The following SNAPC3 variants were observed in gnomAD, a reference collection of about 807,000 sequenced individuals.
SNAPC3 encodes the protein small nuclear RNA activating complex polypeptide 3.
Under a neutral mutation model 47.7 loss-of-function variants are expected in SNAPC3, and 56 were observed. That is an observed-to-expected ratio of 1.18 (90% CI 0.95 to 1.47). The LOEUF (loss-of-function observed/expected upper bound fraction) is 1.47. Ranked by LOEUF, SNAPC3 falls within the 40% of genes most tolerant of loss-of-function variation. The probability of loss-of-function intolerance (pLI) is 0.00; values close to 1 mark genes in which losing one functional copy is unlikely to be tolerated. For synonymous variants in SNAPC3, 235 were observed against 189.9 expected, an observed-to-expected ratio of 1.24 and a Z score of -1.95; for missense variants, 665 against 511.3, an observed-to-expected ratio of 1.30 and a Z score of -2.90.
intron 8 of SNAPC3, among the ~76,000 whole-genome samples, chr9:15,459,459 T>G (rs2035034920): frequency 6.6e-6 from 1 of 152,212 alleles, no homozygotes; most frequent in African/African-American, 2.4e-5. Context: ...TAGATTTATA[T>G]TCTTCCTTTA....
intron 2 of SNAPC3, among the ~76,000 whole-genome samples, chr9:15,426,992 C>CT (rs2031490484): frequency 6.6e-6 from 1 of 152,158 alleles, no homozygotes; most frequent in African/African-American, 2.4e-5. Flanking sequence ...CTGAACCTTC[C>CT]TTTTCCTCAC....
At chr9:15,453,918 A>T (rs947592628) in intron 7 of SNAPC3, among the ~76,000 whole-genome samples, 1 of 152,310 alleles carries the variant, frequency 6.6e-6, no homozygotes, top group East Asian at 1.9e-4. Context: ...TACTGGTATT[A>T]ATTAGTAATT....
intron 5 of SNAPC3, 118 bp from the exon 6 acceptor site, chr9:15,451,202 C>T: frequency 6.5e-6 from 2 of 307,778 alleles, no homozygotes; most frequent in South Asian, 1.6e-4. Flanking sequence ...AAAATAGTAG[C>T]AGTTTTTTAA....
rs780835390 is a variant in SNAPC3, at chr9:15,423,963, G to T, written c.369G>T (p.Glu123Asp). The change falls in exon 2 of 9, where the codon GAG becomes GAT. Residue 123 changes from glutamate to aspartate, a missense_variant. Transcript: ENST00000380821. ...EDGEDPEVIP[E>D]NTDLVTLGVR... ...GTGAGGATCCAGAAGTCATTCCGGA[G>T]AATACTGACCTGGTGACTTTGGGGT... is the stretch of plus-strand genomic sequence containing the variant. 6.3e-7 allele frequency: 1 copy of T among 1,586,538 alleles called. No individual in the cohort carries two copies. The highest frequency in any genetic ancestry group is 8.6e-7 in the Non-Finnish European group (1 of 1,167,220).
At chr9:15,451,788 C>T (rs2034405045) in intron 6 of SNAPC3, among the ~76,000 whole-genome samples, 1 of 152,088 alleles carries the variant, frequency 6.6e-6, no homozygotes, top group Admixed American at 6.6e-5. Flanking sequence ...ATTAACCTTT[C>T]ACTATTTTTT....
rs766172975 is a variant in SNAPC3 at position 15,457,948 on chromosome 9, C to G, written c.981-12C>G. 6.6e-7 allele frequency: 1 copy of G among 1,513,786 alleles called. No individual in the cohort carries two copies. The highest frequency in any genetic ancestry group is 9.0e-7 in the Non-Finnish European group (1 of 1,110,648). 93.8% of individuals were successfully genotyped at this position (1,513,786 alleles called of 1,614,324 possible). On this transcript the variant is annotated splice_polypyrimidine_tract_variant and intron_variant, in intron 7 of 8. Transcript: ENST00000380821. ...TGTCACCTTAATATCTTTATTTTCCCACGAACAAAAGGCTTGTGCATCATG... is the reference window on the plus strand; with the variant it reads ...TGTCACCTTAATATCTTTATTTTCCGACGAACAAAAGGCTTGTGCATCATG...
chr9:15,424,056 A>T, intron 2 of SNAPC3, 70 bp downstream of exon 2: 1 of 860,924 alleles, frequency 1.2e-6, no homozygotes, highest in Non-Finnish European at 1.8e-6. Context: ...TGAAAAGTTG[A>T]AAGTGCAGTA....
intron 8 of SNAPC3, among the ~76,000 whole-genome samples, chr9:15,458,386 G>A: frequency 6.6e-6 from 1 of 152,130 alleles, no homozygotes; most frequent in East Asian, 1.9e-4. Flanking sequence ...TTCAAGAAAA[G>A]CTCTGTACAA....
rs2034523814 is a variant in SNAPC3, at chr9:15,453,184, T to G, written c.959T>G (p.Val320Gly). The G allele has an allele frequency of 6.2e-7, 1 of 1,612,810 alleles. No individual in the cohort carries two copies. Among genetic ancestry groups the G allele is most frequent in the Non-Finnish European group, 8.5e-7 (1 of 1,179,242 alleles). Residue 320 changes from valine to glycine, a missense_variant, in exon 7 of 9, where the codon GTC (valine) becomes GGC (glycine). Val to Gly is a moderately radical substitution (Grantham distance 109). Transcript: ENST00000380821. ...LYCHQGDCEHVIVITDIRLVH... is the reference protein window; with the variant it reads ...LYCHQGDCEHGIVITDIRLVH... The stretch of plus-strand genomic sequence containing the variant: ...TGTCATCAGGGAGACTGTGAACATG[T>G]CATTGTCATTACTGACATAAGGTAG...
intron 2 of SNAPC3, among the ~76,000 whole-genome samples, chr9:15,425,274 A>G (rs1587134127): frequency 6.6e-6 from 1 of 152,160 alleles, no homozygotes; most frequent in Admixed American, 6.5e-5. Context: ...GCTGGAGTGC[A>G]GTGGCGTGAT....
At position 15,460,617 on chromosome 9, in the gene SNAPC3, C is replaced by T. The variant is rs892977297; in HGVS notation, c.*751C>T. ...TGTTGGCCAGGCTGGTCTCAAACTC[C>T]TAACCTCAGGCGATCCACCCGCCTA... is the stretch of plus-strand genomic sequence containing the variant. On this transcript the variant is annotated 3_prime_UTR_variant, in exon 9 of 9. Coordinates refer to ENST00000380821, the MANE Select transcript of SNAPC3 (RefSeq NM_001039697.2). 2.0e-5 allele frequency: 3 copies of T among 152,258 alleles called. No homozygotes were observed. The highest frequency in any genetic ancestry group is 6.5e-5 in the Admixed American group (1 of 15,282). 9.4% of individuals were successfully genotyped at this position (152,258 alleles called of 1,614,324 possible).
chr9:15,428,017 A>G (rs2031657034), intron 2 of SNAPC3, among the ~76,000 whole-genome samples: 1 of 151,316 alleles, frequency 6.6e-6, no homozygotes, highest in South Asian at 2.1e-4. Context: ...AGGCTGAGGC[A>G]AGAGAATCAC....
intron 4 of SNAPC3, among the ~76,000 whole-genome samples, chr9:15,445,216 A>G (rs1162205405): frequency 6.6e-6 from 1 of 152,234 alleles, no homozygotes; most frequent in Non-Finnish European, 1.5e-5. Flanking sequence ...CAATCTCTCG[A>G]TCCAGTAGGA....
At chr9:15,441,602 G>C (rs1007801377) in intron 3 of SNAPC3, among the ~76,000 whole-genome samples, 11 of 151,668 alleles carry the variant, frequency 7.3e-5, no homozygotes, top group Admixed American at 6.6e-4. Context: ...TGACTCTTAA[G>C]GAGCATGCTG....
chr9:15,441,272 C>G (rs1281073949), intron 3 of SNAPC3, among the ~76,000 whole-genome samples: 1 of 149,366 alleles, frequency 6.7e-6, no homozygotes, highest in Non-Finnish European at 1.5e-5. Context: ...AGTGGGATGA[C>G]TGAATCATGT....
intron 7 of SNAPC3, among the ~76,000 whole-genome samples, chr9:15,457,490 G>C (rs1313952323): frequency 6.6e-6 from 1 of 152,176 alleles, no homozygotes; most frequent in Non-Finnish European, 1.5e-5. Context: ...AACTACTGGA[G>C]AGGCTGAGGT....
chr9:15,431,154 C>T (rs185784985), intron 2 of SNAPC3, among the ~76,000 whole-genome samples: 117 of 152,242 alleles, frequency 7.7e-4, no homozygotes, highest in African/African-American at 2.6e-3. Context: ...TCTGAAGCAC[C>T]CCGCGCCCAG....
At chr9:15,464,212 A>G (rs562283276), downstream of SNAPC3, 1 of 190,964 alleles carries the variant, frequency 5.2e-6, no homozygotes, top group South Asian at 1.9e-4. Flanking sequence ...GGTGATTCCT[A>G]GTTCCATTAT....
downstream of SNAPC3, chr9:15,465,447 C>T (rs989083009): frequency 7.5e-7 from 1 of 1,324,994 alleles, no homozygotes; most frequent in African/African-American, 1.5e-5. Context: ...AAATTTAAAA[C>T]TTTCAGCAGT....
Sources: allele counts gnomAD v4.1 joint callset (sites outside exome capture counted in the v4.1 genomes callset), GRCh38; gene constraint gnomAD v4.1.1; transcripts MANE v1.5; gene names NCBI Gene and HGNC (gene_info 2026-07-23, HGNC 2026-07-21).